Variants in SLC24A3 observed in about 807,000 individuals in gnomAD.
SLC24A3 encodes solute carrier family 24 member 3.
Under a neutral mutation model 75.8 loss-of-function variants are expected in SLC24A3, and 28 were observed. That is an observed-to-expected ratio of 0.37 (90% CI 0.27 to 0.51). The LOEUF is 0.51. SLC24A3 is among the 20% of genes least tolerant of loss of function. SLC24A3 has a pLI of 0.94. For missense variants in SLC24A3, 663 were observed against 847.8 expected, an observed-to-expected ratio of 0.78 and a Z score of 2.71; for synonymous variants, 372 against 334.1, an observed-to-expected ratio of 1.11 and a Z score of -1.24.
In SLC24A3 at chr20:19,685,298, G is replaced by C. The variant is rs1323780861; in HGVS notation, c.1261G>C (p.Asp421His). The change falls in exon 12 of 17, where the codon GAT (aspartate) becomes CAT (histidine). Residue 421 changes from aspartate (D) to histidine (H), a missense_variant. This residue lies in a region of SLC24A3 where 510 missense variants were observed against 703.6 expected (regional missense o/e 0.72). Transcript: ENST00000328041. The part of the protein sequence containing the change: ...TENENEDNEN[D>H]EEEEEDEDDD... ...GAATGAAAATGAGGACAATGAGAAT[G>C]ATGAGGAGGAAGAGGAGGACGAGGA... The C allele has an allele frequency of 3.7e-6, 6 of 1,614,124 alleles. No individual in the cohort carries two copies. The highest frequency in any genetic ancestry group is 2.2e-5 in the South Asian group (2 of 91,070).
At chr20:19,618,232 G>A (rs1359220367) in intron 6 of SLC24A3, among the ~76,000 whole-genome samples, 1 of 152,166 alleles carries the variant, frequency 6.6e-6, no homozygotes, top group Non-Finnish European at 1.5e-5. Flanking sequence ...TGCTTTGTTA[G>A]TCTACTTGGG....
chr20:19,478,267 TCCCA>T (rs1987994619), intron 2 of SLC24A3, among the ~76,000 whole-genome samples: 1 of 152,206 alleles, frequency 6.6e-6, no homozygotes, highest in Admixed American at 6.5e-5. Flanking sequence ...CTTATTGATT[TCCCA>T]TAACAACTGA....
chr20:19,429,942 A>G (rs985615113), intron 2 of SLC24A3, among the ~76,000 whole-genome samples: 5 of 152,146 alleles, frequency 3.3e-5, no homozygotes, highest in African/African-American at 1.2e-4. Context: ...ACAGCTGAGA[A>G]AAAAAGAGGA....
At chr20:19,227,094 C>T (rs899457035) in intron 1 of SLC24A3, among the ~76,000 whole-genome samples, 1 of 152,190 alleles carries the variant, frequency 6.6e-6, no homozygotes, top group African/African-American at 2.4e-5. Context: ...ATCCCAACAG[C>T]AGTGTTTGAG....
At chr20:19,589,962 A>C (rs1466396155) in intron 6 of SLC24A3, among the ~76,000 whole-genome samples, 1 of 151,550 alleles carries the variant, frequency 6.6e-6, no homozygotes, top group African/African-American at 2.4e-5. Context: ...CGATTTAAAA[A>C]CCTCCAGATG....
At chr20:19,346,252 A>G (rs1449393261) in intron 2 of SLC24A3, among the ~76,000 whole-genome samples, 4 of 116,898 alleles carry the variant, frequency 3.4e-5, no homozygotes, top group East Asian at 2.2e-4. Context: ...TGGTGTATAT[A>G]TATATGGTAT....
intron 2 of SLC24A3, among the ~76,000 whole-genome samples, chr20:19,389,404 G>A (rs1027236323): frequency 6.6e-6 from 1 of 151,934 alleles, no homozygotes; most frequent in Non-Finnish European, 1.5e-5. Context: ...TACAAATCTA[G>A]TGATGATTAA....
At chr20:19,586,084 C>T (rs2031291143) in intron 6 of SLC24A3, among the ~76,000 whole-genome samples, 1 of 152,090 alleles carries the variant, frequency 6.6e-6, no homozygotes, top group South Asian at 2.1e-4. Flanking sequence ...CTGCAGTTTA[C>T]CTATGGAGTT....
intron 1 of SLC24A3, among the ~76,000 whole-genome samples, chr20:19,277,832 T>C (rs780085955): frequency 6.6e-6 from 1 of 152,166 alleles, no homozygotes. Flanking sequence ...ACTTGGCATA[T>C]GAAGGAACTT....
chr20:19,396,367 A>G (rs2122396596), intron 2 of SLC24A3, among the ~76,000 whole-genome samples: 1 of 152,376 alleles, frequency 6.6e-6, no homozygotes, highest in South Asian at 2.1e-4. Context: ...TGAATAATTT[A>G]TTTTACCCAT....
At chr20:19,606,140 T>C (rs1568670687) in intron 6 of SLC24A3, among the ~76,000 whole-genome samples, 1 of 152,186 alleles carries the variant, frequency 6.6e-6, no homozygotes, top group East Asian at 1.9e-4. Flanking sequence ...AAAACTGTGC[T>C]CAATAGATTC....
In SLC24A3 at chr20:19,580,368, T is replaced by G. The variant is rs370253787; in HGVS notation, c.423+294T>G. On this transcript the variant is annotated intron_variant, in intron 4 of 16. Transcript: ENST00000328041. ...CTATTTGTGTTTTCCTTCCCCATTT[T>G]CTTTTCCTTTTAAACTCACTCTTCC... Among the ~76,000 whole-genome samples the G allele has an allele frequency of 6.6e-5, 10 of 152,262 alleles. 2 individuals are homozygous for G.
intron 6 of SLC24A3, among the ~76,000 whole-genome samples, chr20:19,593,002 G>T (rs1195334493): frequency 6.6e-6 from 1 of 151,954 alleles, no homozygotes; most frequent in Non-Finnish European, 1.5e-5. Context: ...CGCCATGTTA[G>T]TCAGGCTGGT....
Position 19,644,592 on chromosome 20 carries a change from T to G in SLC24A3, c.613-9470T>G, listed in dbSNP as rs77334420. Among the ~76,000 whole-genome samples the G allele has an allele frequency of 7.4e-3, 1,132 of 152,324 alleles. 10 individuals carry two copies. The highest frequency in any genetic ancestry group is 0.026 in the African/African-American group (1,085 of 41,566). On this transcript the variant is annotated intron_variant, in intron 6 of 16. Coordinates refer to ENST00000328041, the MANE Select transcript of SLC24A3 (RefSeq NM_020689.4). ...TGACAGAATGAATATTGTGAGCCAC[T>G]TTAATTCTTCCTGCAAAACTGTAAA...
chr20:19,524,133 C>T (rs1401850921), intron 3 of SLC24A3, among the ~76,000 whole-genome samples: 1 of 152,188 alleles, frequency 6.6e-6, no homozygotes, highest in East Asian at 1.9e-4. Context: ...CCCAGTGCCC[C>T]ACTTGGTAAC....
At chr20:19,640,533 T>C (rs1421384907) in intron 6 of SLC24A3, among the ~76,000 whole-genome samples, 1 of 152,166 alleles carries the variant, frequency 6.6e-6, no homozygotes, top group East Asian at 1.9e-4. Context: ...GCAGATCAGT[T>C]GAGGTCAGGA....
chr20:19,678,615 A>T (rs905014939), intron 9 of SLC24A3, among the ~76,000 whole-genome samples: 3 of 134,452 alleles, frequency 2.2e-5, no homozygotes, highest in African/African-American at 8.7e-5. Flanking sequence ...CACCTCCCGG[A>T]CGGGGCGGCT....
At position 19,537,990 on chromosome 20, in the gene SLC24A3, C is replaced by T. The variant is rs184779012; in HGVS notation, c.348+22426C>T. Reference sequence around the variant, plus strand: ...CATGTATACATATGTAACAAACCTGCGCATTGTGCACATGTACCCTAAAAC... The same window carrying T: ...CATGTATACATATGTAACAAACCTGTGCATTGTGCACATGTACCCTAAAAC... On this transcript the variant is annotated intron_variant, in intron 3 of 16. Transcript: ENST00000328041. Among the ~76,000 whole-genome samples, 920 of 151,704 alleles carry T rather than the reference C, an allele frequency of 6.1e-3. 6 individuals carry two copies. Among genetic ancestry groups the T allele is most frequent in the Middle Eastern group, 0.027 (8 of 294 alleles).
chr20:19,720,197 G>T (rs145734735), intron 16 of SLC24A3, among the ~76,000 whole-genome samples: 1 of 152,222 alleles, frequency 6.6e-6, no homozygotes, highest in African/African-American at 2.4e-5. Flanking sequence ...TTGAAATGTG[G>T]AGCTGTGTTT....
Sources: gnomAD v4.1 joint callset for allele counts (sites outside exome capture counted in the v4.1 genomes callset) on GRCh38, gnomAD v4.1.1 for gene constraint, gnomAD v4.1.1 regional missense constraint, MANE v1.5 for transcripts, NCBI Gene and HGNC (gene_info 2026-07-23, HGNC 2026-07-21) for gene names.